TRPM1: variants seen among roughly 807,000 people sequenced by gnomAD.
TRPM1 encodes TRPM1-203 APA Isoform, Intron 10.
Under a neutral mutation model 149.4 loss-of-function variants are expected in TRPM1, and 113 were observed. The ratio of observed to expected loss-of-function variants is 0.76; its 90% confidence interval spans 0.65 to 0.88. The LOEUF is 0.88. TRPM1 is among the 40% of genes least tolerant of loss of function. The pLI is 0.00. For missense variants in TRPM1, 1,976 were observed against 2,038.7 expected (o/e 0.97, Z 0.59); for synonymous variants, 741 against 759.5 (o/e 0.98, Z 0.40).
At chr15:31,111,855 C>A (rs2035693800) in intron 1 of TRPM1, among the ~76,000 whole-genome samples, 1 of 152,136 alleles carries the variant, frequency 6.6e-6, no homozygotes, top group Admixed American at 6.6e-5. Flanking sequence ...GAATTTTACC[C>A]CATTGGTTAC....
At chr15:31,161,047 G>T in exon 1 of TRPM1, 2 of 1,320,916 alleles carry the variant, frequency 1.5e-6, no homozygotes, top group African/African-American at 1.4e-5. Context: ...GGGTGGGCAG[G>T]AGCGGAGCCA....
chr15:31,136,253 G>A (rs1470303818), intron 1 of TRPM1, among the ~76,000 whole-genome samples: 1 of 152,154 alleles, frequency 6.6e-6, no homozygotes, highest in Non-Finnish European at 1.5e-5. Context: ...CAAGGCAGCA[G>A]GAGGTGTCTG....
At chr15:31,026,373 C>T in intron 26 of TRPM1, 102 bp from the exon 27 acceptor site, 3 of 1,412,454 alleles carry the variant, frequency 2.1e-6, no homozygotes, top group Admixed American at 3.8e-5. Context: ...GCTCTCTTCT[C>T]CGCCACTCCT....
intron 1 of TRPM1, among the ~76,000 whole-genome samples, chr15:31,088,961 G>T (rs75721412): frequency 0.024 from 3,706 of 152,288 alleles, 163 homozygotes; most frequent in African/African-American, 0.084. Flanking sequence ...GTGAGGCAGT[G>T]GGGCTCCCAG....
At chr15:31,068,588 T>C (rs1219396580) in intron 4 of TRPM1, among the ~76,000 whole-genome samples, 1 of 151,156 alleles carries the variant, frequency 6.6e-6, no homozygotes, top group Non-Finnish European at 1.5e-5. Context: ...CTAAAAAAAA[T>C]ACAAAATTAG....
At chr15:31,073,656 G>T (rs571535893) in intron 3 of TRPM1, among the ~76,000 whole-genome samples, 1 of 152,142 alleles carries the variant, frequency 6.6e-6, no homozygotes, top group South Asian at 2.1e-4. Flanking sequence ...CAAATAGAGA[G>T]TTTTACTTCT....
chr15:31,087,045 G>A (rs79244510), intron 1 of TRPM1, among the ~76,000 whole-genome samples: 3,165 of 151,958 alleles, frequency 0.021, 110 homozygotes, highest in African/African-American at 0.072. Flanking sequence ...ATGCCCATTA[G>A]GATGGATACT....
At chr15:31,061,256 G>T (rs992724215) in intron 10 of TRPM1, among the ~76,000 whole-genome samples, 186 bp downstream of exon 10, 2 of 152,214 alleles carry the variant, frequency 1.3e-5, no homozygotes, top group African/African-American at 4.8e-5. Context: ...AGCACCCACA[G>T]ACCTCTGCCC....
At chr15:31,066,575 A>C (rs2034382248) in intron 6 of TRPM1, among the ~76,000 whole-genome samples, 1 of 152,154 alleles carries the variant, frequency 6.6e-6, no homozygotes, top group African/African-American at 2.4e-5. Context: ...ACAAATGGTT[A>C]AAGAAACTGG....
At chr15:31,086,018 G>A (rs1169209236) in intron 1 of TRPM1, among the ~76,000 whole-genome samples, 1 of 146,950 alleles carries the variant, frequency 6.8e-6, no homozygotes, top group African/African-American at 2.5e-5. Context: ...TGACCGTTCC[G>A]AGGAGAAAAG....
chr15:31,129,009 G>A (rs1000458631), intron 1 of TRPM1, among the ~76,000 whole-genome samples: 12 of 152,218 alleles, frequency 7.9e-5, no homozygotes, highest in Non-Finnish European at 1.2e-4. Context: ...ATGCCATTCC[G>A]GTGGCAGCCT....
At chr15:31,106,847 C>T (rs1206460184) in intron 1 of TRPM1, among the ~76,000 whole-genome samples, 1 of 152,174 alleles carries the variant, frequency 6.6e-6, no homozygotes, top group Non-Finnish European at 1.5e-5. Context: ...GCTTATATTG[C>T]AAAACTTCCC....
chr15:31,135,831 G>A (rs920018451), intron 1 of TRPM1, among the ~76,000 whole-genome samples: 2 of 152,108 alleles, frequency 1.3e-5, no homozygotes, highest in Non-Finnish European at 2.9e-5. Context: ...ATGAGTGGAG[G>A]CAGCCTGAAG....
At chr15:31,113,884 G>A (rs1262897007) in intron 1 of TRPM1, among the ~76,000 whole-genome samples, 1 of 152,178 alleles carries the variant, frequency 6.6e-6, no homozygotes, top group African/African-American at 2.4e-5. Context: ...CGAGCAAATT[G>A]ACTTTGCTGG....
rs146894280 is a variant in TRPM1 at position 31,084,268 on chromosome 15, G to A, written c.-83-2830C>T. Among the ~76,000 whole-genome samples the A allele has an allele frequency of 1.3e-4, 20 of 152,202 alleles. No homozygotes were observed. In the East Asian group the frequency reaches 3.9e-3, roughly 29 times the overall value. ...TCTGCAGTTCAGTGTTTTACATATA[G>A]TTCCAAGACTGTGAAACCATCACCA... On this transcript the variant is annotated intron_variant, in intron 1 of 27. Transcript: ENST00000256552.
chr15:31,019,995 T>C (rs749396167), intron 27 of TRPM1, among the ~76,000 whole-genome samples: 42 of 133,622 alleles, frequency 3.1e-4, no homozygotes, highest in Non-Finnish European at 6.5e-4. Context: ...TTCTGGCTTT[T>C]TCATTCTCTG....
At chr15:31,067,768 G>T in intron 5 of TRPM1, 111 bp downstream of exon 5, 2 of 1,061,266 alleles carry the variant, frequency 1.9e-6, no homozygotes, top group Non-Finnish European at 2.9e-6. Flanking sequence ...TCATAAATAG[G>T]ATCAGGATGC....
intron 27 of TRPM1, among the ~76,000 whole-genome samples, chr15:31,004,651 T>C (rs1273069975): frequency 1.3e-5 from 2 of 152,212 alleles, no homozygotes; most frequent in African/African-American, 4.8e-5. Context: ...TCACCATGCA[T>C]GAGAAGTCCT....
intron 1 of TRPM1, among the ~76,000 whole-genome samples, chr15:31,133,092 T>C (rs1449274091): frequency 1.3e-5 from 2 of 152,224 alleles, no homozygotes; most frequent in Non-Finnish European, 2.9e-5. Context: ...ACAGTCTCTG[T>C]GACCCCTGAG....
Sources: allele counts gnomAD v4.1 joint callset (sites outside exome capture counted in the v4.1 genomes callset), GRCh38; gene constraint gnomAD v4.1.1; transcripts MANE v1.5; gene names NCBI Gene and HGNC (gene_info 2026-07-23, HGNC 2026-07-21).